The following SNTG2 variants were observed in gnomAD, a reference collection of about 807,000 sequenced individuals.
SNTG2 encodes syntrophin gamma 2.
SNTG2 carries 74 observed loss-of-function variants against 70.9 expected under a neutral mutation model. The observed-to-expected ratio is 1.04, with a 90% CI of 0.86 to 1.27. The LOEUF (loss-of-function observed/expected upper bound fraction) is 1.27. SNTG2 is among the 50% of genes most tolerant of loss of function. The pLI, the probability that SNTG2 is intolerant of heterozygous loss-of-function variation, is 0.00. For synonymous variants in SNTG2, 278 were observed against 273.8 expected (o/e 1.02, Z -0.15); for missense variants, 717 against 690.7 (o/e 1.04, Z -0.43).
intron 7 of SNTG2, among the ~76,000 whole-genome samples, chr2:1,170,848 T>C (rs1317849330): frequency 2.6e-5 from 4 of 152,060 alleles, no homozygotes; most frequent in African/African-American, 9.7e-5. Flanking sequence ...ATGTTTTCCT[T>C]CCCACCGAGT....
At chr2:1,249,981 C>T (rs28485854) in intron 12 of SNTG2, among the ~76,000 whole-genome samples, 2 of 152,122 alleles carry the variant, frequency 1.3e-5, no homozygotes, top group Non-Finnish European at 2.9e-5. Context: ...CTGAGGAGGG[C>T]GCATGGCACT....
chr2:1,112,575 GTCCTTTGAGAAA>G (rs1238315360), intron 4 of SNTG2, among the ~76,000 whole-genome samples: 10 of 151,488 alleles, frequency 6.6e-5, no homozygotes, highest in South Asian at 2.1e-4. Context: ...AACCCTTACA[GTCCTTTGAGAAA>G]GATCGTGTGT....
At chr2:1,246,048 C>T (rs762345984) in intron 11 of SNTG2, among the ~76,000 whole-genome samples, 3 of 151,994 alleles carry the variant, frequency 2.0e-5, no homozygotes, top group African/African-American at 4.8e-5. Context: ...CTCCATGGGA[C>T]GTAAGTATAA....
At chr2:1,152,996 C>T (rs376042823) in intron 6 of SNTG2, among the ~76,000 whole-genome samples, 11 of 152,018 alleles carry the variant, frequency 7.2e-5, no homozygotes, top group South Asian at 2.1e-4. Flanking sequence ...TGGTGGCGGG[C>T]GCCTGTGATT....
intron 7 of SNTG2, among the ~76,000 whole-genome samples, chr2:1,168,778 A>C (rs1437712775): frequency 2.0e-5 from 3 of 152,182 alleles, no homozygotes; most frequent in Non-Finnish European, 4.4e-5. Context: ...TGCTAGAAGG[A>C]GCCACGGGAG....
intron 1 of SNTG2, among the ~76,000 whole-genome samples, chr2:1,048,306 A>T (rs183028181): frequency 6.6e-6 from 1 of 152,312 alleles, no homozygotes; most frequent in Non-Finnish European, 1.5e-5. Context: ...TTATGTGGCC[A>T]GCGCTGACAT....
intron 4 of SNTG2, among the ~76,000 whole-genome samples, chr2:1,112,184 G>A (rs1666513637): frequency 6.6e-6 from 1 of 151,634 alleles, no homozygotes; most frequent in Non-Finnish European, 1.5e-5. Flanking sequence ...TACTAAGGGA[G>A]GTTTAACCCT....
Position 1,185,723 on chromosome 2 carries a change from C to G in SNTG2, c.591+12540C>G, listed in dbSNP as rs1252404091. Among the ~76,000 whole-genome samples the G allele has an allele frequency of 2.0e-5, 3 of 152,178 alleles. No individual in the cohort carries two copies. The East Asian group carries it at 5.8e-4, about 29-fold the overall frequency. ...CCAAGATTGCACAGGGCAGCAGGGCCCCGGGCCTGGCCCAGGAAATCATTC... is the reference window on the plus strand; with the variant it reads ...CCAAGATTGCACAGGGCAGCAGGGCGCCGGGCCTGGCCCAGGAAATCATTC... On this transcript the variant is annotated intron_variant, in intron 8 of 16. Coordinates refer to ENST00000308624, the MANE Select transcript of SNTG2 (RefSeq NM_018968.4).
At chr2:1,218,373 G>A (rs1230835647) in intron 9 of SNTG2, among the ~76,000 whole-genome samples, 1 of 152,142 alleles carries the variant, frequency 6.6e-6, no homozygotes, top group Non-Finnish European at 1.5e-5. Context: ...TGAGAACTGG[G>A]GGCTGCCTTA....
chr2:984,850 A>G (rs1201527544), intron 1 of SNTG2, among the ~76,000 whole-genome samples: 1 of 152,210 alleles, frequency 6.6e-6, no homozygotes, highest in Non-Finnish European at 1.5e-5. Flanking sequence ...TAGGTCTTCA[A>G]GTCTAATGCT....
intron 1 of SNTG2, among the ~76,000 whole-genome samples, chr2:956,365 T>C (rs113037544): frequency 0.037 from 5,647 of 152,304 alleles, 345 homozygotes; most frequent in African/African-American, 0.13. Context: ...AGCAGGGTTG[T>C]GTTCTGCCCT....
At chr2:1,042,650 C>T (rs1661505228) in intron 1 of SNTG2, among the ~76,000 whole-genome samples, 1 of 152,202 alleles carries the variant, frequency 6.6e-6, no homozygotes, top group South Asian at 2.1e-4. Flanking sequence ...TATTAACTCA[C>T]TTAGGATAAT....
intron 4 of SNTG2, among the ~76,000 whole-genome samples, chr2:1,105,422 C>T (rs1283368401): frequency 2.0e-5 from 3 of 152,138 alleles, no homozygotes; most frequent in African/African-American, 4.8e-5. Flanking sequence ...ATATGGTGTC[C>T]TTCACACTTT....
chr2:1,071,365 A>G (rs977712510), intron 1 of SNTG2, among the ~76,000 whole-genome samples: 16 of 150,522 alleles, frequency 1.1e-4, no homozygotes, highest in African/African-American at 2.9e-4. Context: ...CATGGATGAA[A>G]TTGGAAACCA....
At chr2:1,266,968 G>T (rs1284306562) in intron 13 of SNTG2, among the ~76,000 whole-genome samples, 2 of 151,898 alleles carry the variant, frequency 1.3e-5, no homozygotes, top group East Asian at 1.9e-4. Flanking sequence ...ACAAGGTCTT[G>T]CCATGTTGCC....
At chr2:1,291,317 T>C (rs1679981085) in intron 14 of SNTG2, among the ~76,000 whole-genome samples, 1 of 152,224 alleles carries the variant, frequency 6.6e-6, no homozygotes, top group Non-Finnish European at 1.5e-5. Context: ...TTCCACTCTT[T>C]GGTGGTGTCC....
At chr2:1,164,477 G>A (rs1395293757) in intron 6 of SNTG2, among the ~76,000 whole-genome samples, 13 of 109,352 alleles carry the variant, frequency 1.2e-4, no homozygotes, top group Non-Finnish European at 2.1e-4. Flanking sequence ...GAGAGGGCGG[G>A]GTGGGATATG....
chr2:1,137,307 C>A (rs1158494432), intron 4 of SNTG2, among the ~76,000 whole-genome samples: 1 of 151,910 alleles, frequency 6.6e-6, no homozygotes, highest in Non-Finnish European at 1.5e-5. Context: ...CACCTGCACA[C>A]ACACACATCT....
intron 14 of SNTG2, among the ~76,000 whole-genome samples, chr2:1,298,687 G>A (rs1266163422): frequency 6.6e-6 from 1 of 152,154 alleles, no homozygotes; most frequent in East Asian, 1.9e-4. Flanking sequence ...AAATGTGATG[G>A]TTGATACTGA....
Sources: gnomAD v4.1 joint callset for allele counts (sites outside exome capture counted in the v4.1 genomes callset) on GRCh38, gnomAD v4.1.1 for gene constraint, MANE v1.5 for transcripts, NCBI Gene and HGNC (gene_info 2026-07-23, HGNC 2026-07-21) for gene names.